Variants in DTNA observed in about 807,000 individuals in gnomAD.
The protein encoded by DTNA is dystrobrevin alpha, also known as dystrophin-related protein 3.
A neutral mutation model predicts 100.7 loss-of-function variants in DTNA; 43 were observed. The ratio of observed to expected loss-of-function variants is 0.43; its 90% CI spans 0.33 to 0.55. The LOEUF is 0.55. DTNA is among the 20% of genes least tolerant of loss of function. DTNA has a pLI of 0.04. For missense variants in DTNA, 798 were observed against 953.9 expected (o/e 0.84, Z 2.15); for synonymous variants, 349 against 347.9 (o/e 1.00, Z -0.04).
intron 1 of DTNA, among the ~76,000 whole-genome samples, chr18:34,624,681 A>C (rs2057061162): frequency 6.6e-6 from 1 of 152,198 alleles, no homozygotes; most frequent in Admixed American, 6.5e-5. Flanking sequence ...TTTTATAAAC[A>C]ATGCTATCTT....
At chr18:34,597,119 T>C (rs2050791756) in intron 1 of DTNA, among the ~76,000 whole-genome samples, 2 of 152,208 alleles carry the variant, frequency 1.3e-5, no homozygotes, top group Admixed American at 1.3e-4. Flanking sequence ...TTTCTGTTCC[T>C]GTGTTAGTTT....
intron 15 of DTNA, among the ~76,000 whole-genome samples, chr18:34,853,984 A>G (rs1294177615): frequency 2.0e-5 from 3 of 152,206 alleles, no homozygotes; most frequent in Non-Finnish European, 2.9e-5. Context: ...GGAAAAGGGT[A>G]GTTGGGGGAT....
At chr18:34,574,103 A>C (rs534186399) in intron 1 of DTNA, 2 of 152,444 alleles carry the variant, frequency 1.3e-5, no homozygotes, top group Admixed American at 6.5e-5. Flanking sequence ...ATACAAGCTC[A>C]TCATCTGCCA....
intron 1 of DTNA, among the ~76,000 whole-genome samples, chr18:34,635,281 G>A (rs1244619232): frequency 6.6e-6 from 1 of 152,126 alleles, no homozygotes; most frequent in Non-Finnish European, 1.5e-5. Context: ...GTGCACTTAG[G>A]TTAATTCCCC....
At chr18:34,864,355 A>G (rs1381953727) in intron 17 of DTNA, among the ~76,000 whole-genome samples, 1 of 144,990 alleles carries the variant, frequency 6.9e-6, no homozygotes, top group Non-Finnish European at 1.5e-5. Context: ...GGTTCACGCC[A>G]TTCTCCTGCC....
At chr18:34,839,464 A>T (rs2096224979) in intron 13 of DTNA, among the ~76,000 whole-genome samples, 1 of 152,208 alleles carries the variant, frequency 6.6e-6, no homozygotes, top group African/African-American at 2.4e-5. Flanking sequence ...GGATAAAGCC[A>T]TTCAAAAGGC....
chr18:34,594,916 TAA>T (rs1354990191), intron 1 of DTNA, among the ~76,000 whole-genome samples: 2 of 152,172 alleles, frequency 1.3e-5, no homozygotes, highest in Admixed American at 6.5e-5. Flanking sequence ...GAATCTGACT[TAA>T]GAGAGTTTTA....
chr18:34,587,180 A>G (rs1032313547), intron 1 of DTNA, among the ~76,000 whole-genome samples: 7 of 150,472 alleles, frequency 4.7e-5, no homozygotes, highest in African/African-American at 9.9e-5. Context: ...GGGTCTCACT[A>G]TATTGCACTG....
Position 34,632,291 on chromosome 18 carries a change from A to G in DTNA, c.-1-123685A>G, listed in dbSNP as rs930628918. Among the ~76,000 whole-genome samples, 14 of 152,268 alleles carry G rather than the reference A, an allele frequency of 9.2e-5. No individual in the cohort carries two copies. The East Asian group carries it at 9.6e-4, about 10-fold the overall frequency. ...TGTGTCAACTTTTCCTCACCAGTAC[A>G]TGAAGCTTATGTTCCCCTATGTTAA... On this transcript the variant is annotated intron_variant, in intron 1 of 19. Transcript: ENST00000283365.
intron 1 of DTNA, among the ~76,000 whole-genome samples, chr18:34,598,720 G>T (rs1413490276): frequency 6.6e-6 from 1 of 152,044 alleles, no homozygotes. Context: ...AAAAAAATTA[G>T]CCAGGTGTGG....
rs112408768 is a variant in DTNA at position 34,574,848 on chromosome 18, C to A, written c.-2+81334C>A. ...TAGACATGGGTTCTTGCTGTTTTGC[C>A]CAGATCTTTCTATTTCCTGGCCTCA... On this transcript the variant is annotated intron_variant, in intron 1 of 19. Coordinates refer to the DTNA transcript ENST00000283365. 2.0e-3 allele frequency among the ~76,000 whole-genome samples: 300 copies of A among 152,102 alleles called. 1 individual carries two copies. The highest frequency in any genetic ancestry group is 6.7e-3 in the African/African-American group (277 of 41,484).
At chr18:34,615,107 G>A (rs533804685) in intron 1 of DTNA, among the ~76,000 whole-genome samples, 2 of 152,324 alleles carry the variant, frequency 1.3e-5, no homozygotes, top group African/African-American at 4.8e-5. Context: ...TGCAAGCATG[G>A]TGCTGACACC....
At chr18:34,784,667 C>A (rs2094448262) in intron 3 of DTNA, among the ~76,000 whole-genome samples, 1 of 152,182 alleles carries the variant, frequency 6.6e-6, no homozygotes, top group South Asian at 2.1e-4. Flanking sequence ...TCAGTTAGGT[C>A]ATCTGAGTGT....
At chr18:34,780,999 G>A in intron 3 of DTNA, among the ~76,000 whole-genome samples, 1 of 152,206 alleles carries the variant, frequency 6.6e-6, no homozygotes, top group Non-Finnish European at 1.5e-5. Context: ...GTGAGTGGTA[G>A]CTAAGTTCCA....
At chr18:34,839,266 TG>T (rs1387224478) in intron 13 of DTNA, among the ~76,000 whole-genome samples, 1 of 152,230 alleles carries the variant, frequency 6.6e-6, no homozygotes, top group African/African-American at 2.4e-5. Flanking sequence ...GAAAATGCGA[TG>T]TGATTGAATC....
chr18:34,520,304 T>G (rs2042032884), intron 1 of DTNA, among the ~76,000 whole-genome samples: 1 of 152,186 alleles, frequency 6.6e-6, no homozygotes, highest in African/African-American at 2.4e-5. Context: ...CTGGGATGGA[T>G]CCTTGAAGAT....
At chr18:34,886,826 T>C (rs2096925991) in intron 22 of DTNA, among the ~76,000 whole-genome samples, 1 of 152,240 alleles carries the variant, frequency 6.6e-6, no homozygotes, top group Admixed American at 6.5e-5. Context: ...GATAGAATGT[T>C]GTAAAAACTA....
chr18:34,555,273 T>C (rs900296425), intron 1 of DTNA, among the ~76,000 whole-genome samples: 13 of 148,018 alleles, frequency 8.8e-5, no homozygotes, highest in Admixed American at 6.7e-4. Context: ...TCTTTTTTTC[T>C]TTATTAGTCT....
Position 34,890,240 on chromosome 18 carries a change from T to C in DTNA, c.*2506T>C. The C allele has an allele frequency of 1.3e-6, 2 of 1,508,196 alleles. No individual in the cohort carries two copies. Among genetic ancestry groups the C allele is most frequent in the Non-Finnish European group, 8.8e-7 (1 of 1,132,870 alleles). The allele number at this position is 1,508,196 out of a possible 1,614,324, so 93.4% of individuals were successfully genotyped here. A position where few individuals can be genotyped will look rare whatever the true frequency, so the allele number is the denominator to read the frequency against. On this transcript the variant is annotated 3_prime_UTR_variant, in exon 23 of 23. Transcript: ENST00000444659. ...CGTCATATAAAGCCATTGCAAGGAC[T>C]CTGGAAACTGCCGCCAATGACCAAT... is the stretch of plus-strand genomic sequence containing the variant.
Sources: gnomAD v4.1 joint callset for allele counts (sites outside exome capture counted in the v4.1 genomes callset) on GRCh38, gnomAD v4.1.1 for gene constraint, MANE v1.5 for transcripts, NCBI Gene and HGNC (gene_info 2026-07-23, HGNC 2026-07-21) for gene names.